Variants in CNKSR2 observed in about 807,000 individuals in gnomAD.
The protein encoded by CNKSR2 is connector enhancer of kinase suppressor of Ras 2.
In CNKSR2, 14 loss-of-function variants were observed where a neutral mutation model predicts 84.4. The observed-to-expected ratio is 0.17, with a 90% confidence interval of 0.11 to 0.26. The LOEUF is 0.26. Ranked by LOEUF, CNKSR2 falls within the 10% of genes least tolerant of loss-of-function variation. The probability of loss-of-function intolerance (pLI) is 1.00; values close to 1 mark genes in which losing one functional copy is unlikely to be tolerated. For missense variants in CNKSR2, 485 were observed against 771.2 expected, an observed-to-expected ratio of 0.63 and a Z score of 4.40; for synonymous variants, 275 against 277.9, an observed-to-expected ratio of 0.99 and a Z score of 0.10.
Position 21,652,768 on chromosome X carries a change from T to G in CNKSR2, c.*247T>G. On this transcript the variant is annotated 3_prime_UTR_variant, in exon 22 of 22. Transcript: ENST00000379510. ...CTGTCTTTAATGACTTAAAATTAAC[T>G]TTTGCAAACAATTCTAAATACAGGT... is the stretch of plus-strand genomic sequence containing the variant. The G allele has an allele frequency of 3.5e-6, 1 of 286,593 alleles. No individual in the cohort carries two copies. Among genetic ancestry groups the G allele is most frequent in the Non-Finnish European group, 6.1e-6 (1 of 164,519 alleles). 23.6% of individuals were successfully genotyped at this position (286,593 alleles called of 1,213,427 possible).
intron 11 of CNKSR2, among the ~76,000 whole-genome samples, chrX:21,549,704 T>C (rs1041174540): frequency 1.8e-5 from 2 of 111,881 alleles, no homozygotes; most frequent in African/African-American, 6.5e-5. Context: ...CATTTACTGG[T>C]ATCAAAACAG....
chrX:21,528,189 A>G (rs1204193148), intron 10 of CNKSR2, among the ~76,000 whole-genome samples: 1 of 111,040 alleles, frequency 9.0e-6, no homozygotes, highest in Non-Finnish European at 1.9e-5. Context: ...AATCCATCCA[A>G]TATCCTACTA....
intron 20 of CNKSR2, among the ~76,000 whole-genome samples, chrX:21,619,134 G>A (rs892018831): frequency 1.6e-4 from 18 of 112,205 alleles, no homozygotes; most frequent in African/African-American, 4.5e-4. Flanking sequence ...AGCTATTTCT[G>A]ATTCAGCTTA....
chrX:21,453,795 A>C (rs945208097), intron 4 of CNKSR2, among the ~76,000 whole-genome samples: 3 of 111,603 alleles, frequency 2.7e-5, no homozygotes, highest in African/African-American at 9.8e-5. Flanking sequence ...ATCATGGCAG[A>C]AGGTGAAAGG....
chrX:21,569,411 A>G (rs2092266700), intron 13 of CNKSR2, among the ~76,000 whole-genome samples: 1 of 111,882 alleles, frequency 8.9e-6, no homozygotes, highest in Non-Finnish European at 1.9e-5. Context: ...GTTCAACAGC[A>G]TTATATCCAC....
At chrX:21,400,128 C>A (rs1338823267) in intron 1 of CNKSR2, among the ~76,000 whole-genome samples, 2 of 110,792 alleles carry the variant, frequency 1.8e-5, no homozygotes, top group Non-Finnish European at 3.8e-5. Context: ...ATGCCAGTAA[C>A]CTGCAATTAA....
chrX:21,448,942 G>C (rs771957743), intron 4 of CNKSR2, among the ~76,000 whole-genome samples: 12 of 111,610 alleles, frequency 1.1e-4, no homozygotes, highest in African/African-American at 3.9e-4. Flanking sequence ...TGAAGAACTG[G>C]TCAGAATCAA....
intron 9 of CNKSR2, among the ~76,000 whole-genome samples, chrX:21,526,089 T>G (rs939138619): frequency 1.8e-5 from 2 of 110,733 alleles, no homozygotes; most frequent in Non-Finnish European, 3.8e-5. Context: ...TCAGTATATA[T>G]ATTATCTTAA....
chrX:21,451,657 G>A (rs1333673159), intron 4 of CNKSR2, among the ~76,000 whole-genome samples: 10 of 90,280 alleles, frequency 1.1e-4, no homozygotes, highest in East Asian at 3.9e-4. Flanking sequence ...GTGAGAACAC[G>A]TGGACACAGG....
chrX:21,492,540 T>G (rs1224711055), intron 6 of CNKSR2: 1 of 111,211 alleles, frequency 9.0e-6, no homozygotes, highest in African/African-American at 3.3e-5. Flanking sequence ...ATGAAGTACA[T>G]CTGAACAAAG....
chrX:21,638,194 G>A (rs1251459789), intron 20 of CNKSR2, among the ~76,000 whole-genome samples: 3 of 111,266 alleles, frequency 2.7e-5, no homozygotes, highest in South Asian at 3.8e-4. Context: ...GAAGATGTTC[G>A]TACCTCTACC....
intron 1 of CNKSR2, among the ~76,000 whole-genome samples, chrX:21,391,016 C>T (rs2090041971): frequency 1.8e-5 from 2 of 112,490 alleles, no homozygotes; most frequent in South Asian, 3.7e-4. Context: ...AATTACCTCC[C>T]TTGACTCCAT....
At chrX:21,423,135 G>A (rs1003376642) in intron 1 of CNKSR2, among the ~76,000 whole-genome samples, 1 of 111,295 alleles carries the variant, frequency 9.0e-6, no homozygotes, top group African/African-American at 3.3e-5. Flanking sequence ...AAGTTTTAAT[G>A]GAAAATAGAA....
intron 5 of CNKSR2, among the ~76,000 whole-genome samples, chrX:21,489,166 G>A (rs1390725302): frequency 9.0e-6 from 1 of 111,386 alleles, no homozygotes; most frequent in Non-Finnish European, 1.9e-5. Flanking sequence ...TACACATATT[G>A]ATTGATGTCT....
intron 4 of CNKSR2, among the ~76,000 whole-genome samples, chrX:21,469,789 G>T (rs2091175411): frequency 9.1e-6 from 1 of 110,452 alleles, no homozygotes; most frequent in Non-Finnish European, 1.9e-5. Context: ...GCACATGCCT[G>T]TAATCCCAGC....
chrX:21,451,364 C>T (rs754654916), intron 4 of CNKSR2, among the ~76,000 whole-genome samples: 8 of 111,131 alleles, frequency 7.2e-5, no homozygotes, highest in Middle Eastern at 4.7e-3. Context: ...ATCCAAAGGA[C>T]TATAAATCAT....
intron 11 of CNKSR2, among the ~76,000 whole-genome samples, chrX:21,554,923 T>C (rs2092125467): frequency 9.0e-6 from 1 of 111,442 alleles, no homozygotes; most frequent in South Asian, 3.8e-4. Context: ...TCTTCCACAA[T>C]GGCTGAACCA....
intron 1 of CNKSR2, among the ~76,000 whole-genome samples, chrX:21,396,601 A>G (rs1160360924): frequency 1.4e-4 from 16 of 111,743 alleles, no homozygotes; most frequent in Non-Finnish European, 3.8e-5. Context: ...ATCATCATTT[A>G]AAACAGTTTG....
chrX:21,635,462 GTA>G (rs1461945183), intron 20 of CNKSR2, among the ~76,000 whole-genome samples: 4 of 101,077 alleles, frequency 4.0e-5, no homozygotes, highest in African/African-American at 1.1e-4. Flanking sequence ...CTATATATAT[GTA>G]TATGTGTATA....
Sources: gnomAD v4.1 joint callset for allele counts (sites outside exome capture counted in the v4.1 genomes callset) on GRCh38, gnomAD v4.1.1 for gene constraint, MANE v1.5 for transcripts, NCBI Gene and HGNC (gene_info 2026-07-23, HGNC 2026-07-21) for gene names.